Variants in MS4A7 observed in about 807,000 individuals in gnomAD.
The protein encoded by MS4A7 is membrane spanning 4-domains A7, also known as membrane-spanning 4-domains subfamily A member 7.
MS4A7 carries 21 observed loss-of-function variants against 23.5 expected under a neutral mutation model. That is an observed-to-expected ratio of 0.89 (90% CI 0.63 to 1.29). The LOEUF (loss-of-function observed/expected upper bound fraction) is 1.29, where lower values mean the gene tolerates loss of function less well. Among genes scored for constraint, MS4A7 ranks in the 50% most tolerant of loss-of-function variants. The probability of loss-of-function intolerance (pLI) is 0.00; values close to 1 mark genes in which losing one functional copy is unlikely to be tolerated. For synonymous variants in MS4A7, 111 were observed against 107.4 expected (o/e 1.03, Z -0.21); for missense variants, 263 against 274.2 (o/e 0.96, Z 0.29).
intron 1 of MS4A7, among the ~76,000 whole-genome samples, chr11:60,379,806 A>G (rs1290254406): frequency 6.6e-6 from 1 of 152,198 alleles, no homozygotes; most frequent in African/African-American, 2.4e-5. Context: ...AAGTGCTAGG[A>G]TTACAGGCAT....
At chr11:60,389,963 A>G in intron 5 of MS4A7, 1 of 245,052 alleles carries the variant, frequency 4.1e-6, no homozygotes, top group Non-Finnish European at 8.1e-6. Flanking sequence ...CATTTGAATT[A>G]TATTTTAATT....
chr11:60,391,614 T>C (rs967850828), intron 5 of MS4A7, among the ~76,000 whole-genome samples: 9 of 152,190 alleles, frequency 5.9e-5, no homozygotes, highest in Non-Finnish European at 1.2e-4. Flanking sequence ...TCATTAAAGA[T>C]GTTTAAAAAG....
Position 60,395,305 on chromosome 11 carries a change from T to C in MS4A7, c.*1444T>C, listed in dbSNP as rs1372548550. On this transcript the variant is annotated 3_prime_UTR_variant, in exon 7 of 7. Coordinates refer to ENST00000300184, the MANE Select transcript of MS4A7 (RefSeq NM_021201.5). ...CTTTGCACTCTCTATGCATATGAGG[T>C]TTCCTAAATAAATGAGGAGTAGCAT... 5.3e-6 allele frequency: 1 copy of C among 190,268 alleles called. No homozygotes were observed. The highest frequency in any genetic ancestry group is 1.1e-5 in the Non-Finnish European group (1 of 93,658). 11.8% of individuals were successfully genotyped at this position (190,268 alleles called of 1,614,324 possible). A position where few individuals can be genotyped will look rare whatever the true frequency, so the allele number is the denominator to read the frequency against.
rs1350692932 is a variant in MS4A7, at chr11:60,389,438, G to A, written c.388G>A (p.Ala130Thr). ...TGCAGTGAGTTCTGTTACTGCAGGA[G>A]CAGGCCTCTTCCTCCTTGCTGACAG... Reference protein sequence around the residue: ...SNAVSSVTAGAGLFLLADSMV... With the variant: ...SNAVSSVTAGTGLFLLADSMV... Residue 130 changes from alanine (A) to threonine (T), a missense_variant, in exon 5 of 7, where the codon GCA becomes ACA. Ala to Thr is a moderately conservative substitution (Grantham distance 58). Coordinates refer to ENST00000300184, the MANE Select transcript of MS4A7 (RefSeq NM_021201.5). 1.9e-6 allele frequency: 3 copies of A among 1,613,868 alleles called. No homozygotes were observed. The highest frequency in any genetic ancestry group is 2.5e-6 in the Non-Finnish European group (3 of 1,179,918).
At position 60,383,180 on chromosome 11, in the gene MS4A7, C is replaced by G. The variant is rs778360129; in HGVS notation, c.39C>G (p.Ser13Arg). ...CCCAAACCATGGGGGTTTCTCACAG[C>G]TTTACACCAAAGGGCATCACTATCC... ...LQSQTMGVSHSFTPKGITIPQ... is the reference protein window; with the variant it reads ...LQSQTMGVSHRFTPKGITIPQ... Residue 13 changes from serine to arginine, a missense_variant, in exon 2 of 7, where the codon AGC (serine) becomes AGG (arginine). By Grantham distance (110) the Ser-to-Arg change is moderately radical. Coordinates refer to ENST00000300184, the MANE Select transcript of MS4A7 (RefSeq NM_021201.5). The G allele has an allele frequency of 6.2e-7, 1 of 1,614,152 alleles. No individual in the cohort carries two copies. The highest frequency in any genetic ancestry group is 1.7e-5 in the Admixed American group (1 of 60,020).
At chr11:60,379,505 A>G (rs545883129) in intron 1 of MS4A7, among the ~76,000 whole-genome samples, 1 of 151,844 alleles carries the variant, frequency 6.6e-6, no homozygotes, top group African/African-American at 2.4e-5. Flanking sequence ...TAGCCTTTTA[A>G]CCATGTGTTT....
intron 4 of MS4A7, 85 bp downstream of exon 4, chr11:60,386,858 T>C: frequency 8.4e-7 from 1 of 1,186,280 alleles, no homozygotes; most frequent in Non-Finnish European, 1.2e-6. Flanking sequence ...ATCCCTATTT[T>C]ACAATTTAGA....
chr11:60,385,223 G>A lies in MS4A7; in HGVS notation c.282+1G>A. 6.2e-7 allele frequency: 1 copy of A among 1,614,148 alleles called. No individual in the cohort carries two copies. The highest frequency in any genetic ancestry group is 8.5e-7 in the Non-Finnish European group (1 of 1,180,002). ...GTACCCATTTTTAGGAGCTCTGTGT[G>A]TGAGTAGAATGGGGACTCTAAGAGG... On this transcript the variant is annotated splice_donor_variant, in intron 3 of 6. Transcript: ENST00000300184. LOFTEE classifies it high-confidence loss of function.
intron 5 of MS4A7, 101 bp from the exon 6 acceptor site, chr11:60,392,584 C>T: frequency 1.3e-6 from 1 of 796,456 alleles, no homozygotes; most frequent in Non-Finnish European, 2.1e-6. Context: ...TCCCTGTCTC[C>T]TTTTCTCTGC....
At chr11:60,380,989 C>T (rs749316233) in intron 1 of MS4A7, among the ~76,000 whole-genome samples, 24 of 152,198 alleles carry the variant, frequency 1.6e-4, no homozygotes, top group Non-Finnish European at 2.6e-4. Flanking sequence ...GCTATTTCAC[C>T]TCTCCAAGCC....
intron 6 of MS4A7, 141 bp downstream of exon 6, chr11:60,392,927 A>C (rs959376371): frequency 1.6e-5 from 10 of 615,114 alleles, no homozygotes; most frequent in Non-Finnish European, 2.8e-5. Flanking sequence ...AATTAAAAAA[A>C]TGAGTTTAAC....
At chr11:60,383,333 T>C (rs748553366) in intron 2 of MS4A7, 45 bp downstream of exon 2, 33 of 1,602,916 alleles carry the variant, frequency 2.1e-5, no homozygotes, top group Non-Finnish European at 1.7e-6. Context: ...AAATACTTTG[T>C]AAATGTATCT....
intron 2 of MS4A7, among the ~76,000 whole-genome samples, chr11:60,384,587 G>A (rs1284927046): frequency 6.6e-6 from 1 of 152,214 alleles, no homozygotes; most frequent in Non-Finnish European, 1.5e-5. Flanking sequence ...ATGAGCAAAA[G>A]CATGGGCTTT....
At chr11:60,390,888 G>C (rs990143076) in intron 5 of MS4A7, among the ~76,000 whole-genome samples, 6 of 152,108 alleles carry the variant, frequency 3.9e-5, no homozygotes, top group Admixed American at 1.3e-4. Context: ...GCCAAAGTTG[G>C]AAGAAGAAAG....
At chr11:60,384,729 C>A (rs1043435025) in intron 2 of MS4A7, among the ~76,000 whole-genome samples, 1 of 152,204 alleles carries the variant, frequency 6.6e-6, no homozygotes, top group African/African-American at 2.4e-5. Flanking sequence ...ACTGAAAAAT[C>A]TCTTCATTAA....
chr11:60,388,129 G>A (rs1279927274), intron 4 of MS4A7, among the ~76,000 whole-genome samples: 1 of 152,178 alleles, frequency 6.6e-6, no homozygotes, highest in Non-Finnish European at 1.5e-5. Context: ...AGTCCCAGTG[G>A]GCAGTATCTT....
rs1310499504 is a variant in MS4A7, at chr11:60,386,632, C to T, written c.283-85C>T. On this transcript the variant is annotated intron_variant, in intron 3 of 6. Transcript: ENST00000300184. The stretch of plus-strand genomic sequence containing the variant: ...TCTCCCTAAAAGTTTTCCAACATCA[C>T]TTTTTGATTGAGTGATTGACAGTGA... 3.4e-6 allele frequency: 4 copies of T among 1,172,194 alleles called. No homozygotes were observed. In the African/African-American group the frequency reaches 6.1e-5, roughly 18 times the overall value. The allele number at this position is 1,172,194 out of a possible 1,614,324, so 72.6% of individuals were successfully genotyped here.
intron 2 of MS4A7, among the ~76,000 whole-genome samples, chr11:60,384,208 C>A (rs1238454627): frequency 6.6e-6 from 1 of 152,156 alleles, no homozygotes; most frequent in Non-Finnish European, 1.5e-5. Context: ...ATCATGTATT[C>A]TCCTGGCTCA....
At chr11:60,380,137 G>T (rs1442737514) in intron 1 of MS4A7, among the ~76,000 whole-genome samples, 1 of 152,218 alleles carries the variant, frequency 6.6e-6, no homozygotes, top group Non-Finnish European at 1.5e-5. Flanking sequence ...CCATGTATCA[G>T]AATCTATCAT....
Sources: gnomAD v4.1 joint callset for allele counts (sites outside exome capture counted in the v4.1 genomes callset) on GRCh38, gnomAD v4.1.1 for gene constraint, MANE v1.5 for transcripts, NCBI Gene and HGNC (gene_info 2026-07-23, HGNC 2026-07-21) for gene names.